Variants in SHANK2 observed in about 807,000 individuals in gnomAD.
The protein encoded by SHANK2 is SH3 and multiple ankyrin repeat domains 2, also known as SH3 and multiple ankyrin repeat domains protein 2.
Under a neutral mutation model 133.7 loss-of-function variants are expected in SHANK2, and 43 were observed. The observed-to-expected ratio is 0.32, with a 90% CI of 0.25 to 0.41. The LOEUF (loss-of-function observed/expected upper bound fraction) is 0.41, where lower values mean the gene tolerates loss of function less well. Ranked by LOEUF, SHANK2 falls within the 10% of genes least tolerant of loss-of-function variation. The pLI is 1.00. For missense variants in SHANK2, 1,994 were observed against 2,235.8 expected (o/e 0.89, Z 2.18); for synonymous variants, 1,017 against 952.8 (o/e 1.07, Z -1.24).
intron 3 of SHANK2, among the ~76,000 whole-genome samples, chr11:71,138,619 C>A (rs558007153): frequency 1.8e-4 from 27 of 151,346 alleles, no homozygotes; most frequent in Non-Finnish European, 2.7e-4. Context: ...GAGTTCGAAA[C>A]CTCTCTGGAC....
chr11:70,489,815 A>G (rs1565532673), intron 23 of SHANK2: 4 of 243,444 alleles, frequency 1.6e-5, no homozygotes, highest in East Asian at 1.9e-4. Context: ...AACACACAGT[A>G]CATTATTTCA....
At chr11:70,713,840 C>T (rs1210167464) in intron 14 of SHANK2, among the ~76,000 whole-genome samples, 1 of 152,268 alleles carries the variant, frequency 6.6e-6, no homozygotes, top group African/African-American at 2.4e-5. Context: ...AGCAACACTA[C>T]AAGAAAAGTG....
chr11:70,653,372 G>C (rs1336379622), intron 17 of SHANK2, among the ~76,000 whole-genome samples: 1 of 152,084 alleles, frequency 6.6e-6, no homozygotes, highest in African/African-American at 2.4e-5. Context: ...ACACCAGCTT[G>C]GTTGCAAAGT....
At chr11:70,737,990 C>T (rs782557162) in intron 14 of SHANK2, among the ~76,000 whole-genome samples, 7 of 152,260 alleles carry the variant, frequency 4.6e-5, no homozygotes, top group African/African-American at 7.2e-5. Context: ...GGGCCCAGGC[C>T]TCATGATGCC....
intron 14 of SHANK2, among the ~76,000 whole-genome samples, chr11:70,771,406 T>A (rs1947247204): frequency 6.6e-6 from 1 of 152,116 alleles, no homozygotes; most frequent in South Asian, 2.1e-4. Flanking sequence ...GTGGGGCCCA[T>A]CCCAGGGCAG....
rs369103008 is a variant in SHANK2 at position 70,739,441 on chromosome 11, C to G, written c.1778-40678G>C. ...TCCAGCCTTGACGCCCAGGCTGCCC[C>G]GTCCTCTCCTCTTGCCCCTGAAGTC... On this transcript the variant is annotated intron_variant, in intron 14 of 25. Coordinates refer to ENST00000601538, the MANE Select transcript of SHANK2 (RefSeq NM_012309.5). The surrounding 1 kb of genome is among the most constrained non-coding windows in gnomAD (Gnocchi z 4.3). Among the ~76,000 whole-genome samples the G allele has an allele frequency of 2.6e-5, 4 of 152,306 alleles. No homozygotes were observed. Among genetic ancestry groups the G allele is most frequent in the East Asian group, 1.9e-4 (1 of 5,182 alleles).
At chr11:70,694,392 G>A (rs1253226634) in intron 15 of SHANK2, among the ~76,000 whole-genome samples, 2 of 152,222 alleles carry the variant, frequency 1.3e-5, no homozygotes, top group African/African-American at 4.8e-5. Flanking sequence ...CATAAGAGGA[G>A]GTTGGAAGGG....
chr11:71,214,252 C>T (rs1954353121), intron 2 of SHANK2, among the ~76,000 whole-genome samples: 1 of 152,164 alleles, frequency 6.6e-6, no homozygotes, highest in African/African-American at 2.4e-5. Context: ...TCTTTTTGTC[C>T]TCACTCAGCC....
chr11:71,160,644 G>A (rs781994857), intron 2 of SHANK2, among the ~76,000 whole-genome samples: 1 of 152,198 alleles, frequency 6.6e-6, no homozygotes, highest in Non-Finnish European at 1.5e-5. Context: ...ATAAATTTCT[G>A]CTAAGTCATC....
chr11:71,061,444 G>A, intron 9 of SHANK2, among the ~76,000 whole-genome samples: 1 of 152,238 alleles, frequency 6.6e-6, no homozygotes, highest in East Asian at 1.9e-4. Context: ...ATGACAGGGA[G>A]TGCAGGGTGA....
At chr11:70,941,735 T>C (rs1224156105) in intron 10 of SHANK2, among the ~76,000 whole-genome samples, 1 of 152,204 alleles carries the variant, frequency 6.6e-6, no homozygotes, top group Non-Finnish European at 1.5e-5. Flanking sequence ...ACAACCTTGC[T>C]CGGACTTCCA....
chr11:70,824,947 A>T (rs1948615995), intron 11 of SHANK2, among the ~76,000 whole-genome samples: 2 of 152,178 alleles, frequency 1.3e-5, no homozygotes, highest in African/African-American at 4.8e-5. Context: ...AGACACAGCC[A>T]GCAGAAAGCA....
At chr11:70,806,625 G>A (rs868908665) in intron 13 of SHANK2, among the ~76,000 whole-genome samples, 5 of 152,108 alleles carry the variant, frequency 3.3e-5, no homozygotes, top group African/African-American at 4.8e-5. Context: ...AGGTCACACC[G>A]GACCATCTAC....
chr11:70,810,842 T>C (rs1209498291), intron 12 of SHANK2, among the ~76,000 whole-genome samples: 3 of 152,150 alleles, frequency 2.0e-5, no homozygotes, highest in Admixed American at 6.5e-5. Context: ...GCATTGACCA[T>C]TATCCAGGCT....
At chr11:70,677,720 T>C (rs1944929777) in intron 15 of SHANK2, among the ~76,000 whole-genome samples, 1 of 152,150 alleles carries the variant, frequency 6.6e-6, no homozygotes, top group African/African-American at 2.4e-5. Flanking sequence ...AGAAGCCCTG[T>C]TGAGGGCTCC....
chr11:70,781,775 G>C, intron 14 of SHANK2, among the ~76,000 whole-genome samples: 1 of 109,564 alleles, frequency 9.1e-6, no homozygotes, highest in Non-Finnish European at 1.7e-5. Flanking sequence ...ATGTTCCAAA[G>C]GAATATAAAT....
At chr11:71,234,527 C>T (rs1349256478) in intron 1 of SHANK2, among the ~76,000 whole-genome samples, 2 of 152,124 alleles carry the variant, frequency 1.3e-5, no homozygotes, top group Admixed American at 6.5e-5. Flanking sequence ...AAATGCCCCC[C>T]GCCCCAGACT....
chr11:70,888,750 G>C (rs1240152344), intron 11 of SHANK2, among the ~76,000 whole-genome samples: 1 of 152,102 alleles, frequency 6.6e-6, no homozygotes, highest in Admixed American at 6.6e-5. Flanking sequence ...CTGGGAGGTG[G>C]AGGTTGAAGT....
intron 13 of SHANK2, among the ~76,000 whole-genome samples, chr11:70,803,348 ATTT>A (rs1555051017): frequency 1.7e-3 from 1 of 600 alleles, no homozygotes; most frequent in African/African-American, 6.7e-3. Flanking sequence ...CCATCCATCC[ATTT>A]ACCTATCCAT....
Sources: gnomAD v4.1 joint callset for allele counts (sites outside exome capture counted in the v4.1 genomes callset) on GRCh38, gnomAD v4.1.1 for gene constraint, Gnocchi (gnomAD v3.1) non-coding constraint, MANE v1.5 for transcripts, NCBI Gene and HGNC (gene_info 2026-07-23, HGNC 2026-07-21) for gene names.